The following BMPR1A variants were observed in gnomAD, a reference collection of about 807,000 sequenced individuals.
The protein encoded by BMPR1A is bone morphogenetic protein receptor type 1A, also known as bone morphogenetic protein receptor type-1A.
Under a neutral mutation model 66.0 loss-of-function variants are expected in BMPR1A, and 7 were observed. The ratio of observed to expected loss-of-function variants is 0.11; its 90% CI spans 0.06 to 0.20. The LOEUF (loss-of-function observed/expected upper bound fraction) is 0.20. Among genes scored for constraint, BMPR1A ranks in the 10% least tolerant of loss-of-function variants. The pLI is 1.00. For missense variants in BMPR1A, 408 were observed against 669.1 expected (o/e 0.61, Z 4.31); for synonymous variants, 200 against 229.7 (o/e 0.87, Z 1.17).
chr10:86,901,759 G>C (rs2133468634), intron 7 of BMPR1A, among the ~76,000 whole-genome samples: 1 of 152,204 alleles, frequency 6.6e-6, no homozygotes, highest in Admixed American at 6.5e-5. Context: ...AGTAAGACAG[G>C]TGATAATATC....
intron 2 of BMPR1A, among the ~76,000 whole-genome samples, chr10:86,851,193 G>A (rs917823276): frequency 5.9e-5 from 9 of 152,298 alleles, no homozygotes; most frequent in South Asian, 2.1e-4. Context: ...GTAACTGGCC[G>A]TTACTGTAAG....
At chr10:86,827,503 T>C (rs941982038) in intron 1 of BMPR1A, among the ~76,000 whole-genome samples, 5 of 152,336 alleles carry the variant, frequency 3.3e-5, no homozygotes, top group Admixed American at 1.3e-4. Flanking sequence ...TTAAATATTC[T>C]TTTGCGTGGC....
intron 1 of BMPR1A, among the ~76,000 whole-genome samples, chr10:86,777,173 CACTT>C (rs2132685656): frequency 6.6e-6 from 1 of 152,308 alleles, no homozygotes; most frequent in East Asian, 1.9e-4. Flanking sequence ...CACTTGCCCT[CACTT>C]GCTTCATTGC....
chr10:86,854,083 C>T (rs577060242), intron 2 of BMPR1A, among the ~76,000 whole-genome samples: 6 of 151,618 alleles, frequency 4.0e-5, no homozygotes, highest in Non-Finnish European at 8.8e-5. Flanking sequence ...CAGAGGCCCA[C>T]CCTCAGGGGC....
At chr10:86,768,110 GTTCT>G (rs1192579507) in intron 1 of BMPR1A, among the ~76,000 whole-genome samples, 15 of 152,132 alleles carry the variant, frequency 9.9e-5, no homozygotes, top group African/African-American at 2.9e-4. Context: ...TTGCAGATGT[GTTCT>G]TTGTCAGTTT....
At chr10:86,860,615 C>T (rs1393211525) in intron 2 of BMPR1A, among the ~76,000 whole-genome samples, 1 of 151,676 alleles carries the variant, frequency 6.6e-6, no homozygotes, top group Admixed American at 6.6e-5. Flanking sequence ...ACTAAAAATA[C>T]AAAAATTGGC....
At chr10:86,899,941 T>C (rs1459795590) in intron 6 of BMPR1A, 51 bp downstream of exon 6, 1 of 1,609,796 alleles carries the variant, frequency 6.2e-7, no homozygotes, top group Non-Finnish European at 8.5e-7. Context: ...TCTTCTCTGG[T>C]TTTACAGTAA....
At chr10:86,877,017 A>G (rs557466887) in intron 3 of BMPR1A, among the ~76,000 whole-genome samples, 9 of 152,296 alleles carry the variant, frequency 5.9e-5, no homozygotes, top group African/African-American at 2.2e-4. Context: ...TTTAAGTAGG[A>G]TAATATTTTA....
chr10:86,814,257 C>A (rs1158077290), intron 1 of BMPR1A, among the ~76,000 whole-genome samples: 2 of 152,132 alleles, frequency 1.3e-5, no homozygotes, highest in Non-Finnish European at 2.9e-5. Flanking sequence ...GCCTCAGCTT[C>A]CCCAATGCTG....
chr10:86,855,390 G>A (rs1842626989), intron 2 of BMPR1A: 1 of 813,330 alleles, frequency 1.2e-6, no homozygotes, highest in Non-Finnish European at 2.0e-6. Flanking sequence ...TAGAAACTTG[G>A]TTTGATTTGG....
chr10:86,823,328 G>A (rs564431531), intron 1 of BMPR1A, among the ~76,000 whole-genome samples: 1 of 152,232 alleles, frequency 6.6e-6, no homozygotes, highest in South Asian at 2.1e-4. Context: ...TGTCTGCCTG[G>A]CACTGTTCTA....
At chr10:86,814,596 G>A (rs576847856) in intron 1 of BMPR1A, among the ~76,000 whole-genome samples, 127 of 151,912 alleles carry the variant, frequency 8.4e-4, no homozygotes, top group African/African-American at 3.0e-3. Context: ...ACATTTCTGA[G>A]TTTCTTCTGT....
rs557126789 is a variant in BMPR1A, at chr10:86,877,458, C to T, written c.67+1373C>T. Among the ~76,000 whole-genome samples the T allele has an allele frequency of 4.6e-5, 7 of 152,302 alleles. No individual in the cohort carries two copies. In the East Asian group the frequency reaches 7.7e-4, roughly 17 times the overall value. ...TCCTGACCTCGTGATCCACCCACTT[C>T]GGCCTCCCAAAGTGCTGGCATTACA... is the stretch of plus-strand genomic sequence containing the variant. On this transcript the variant is annotated intron_variant, in intron 3 of 12. Transcript: ENST00000372037.
intron 1 of BMPR1A, among the ~76,000 whole-genome samples, chr10:86,786,080 A>G (rs1013709131): frequency 6.6e-6 from 1 of 152,118 alleles, no homozygotes; most frequent in Non-Finnish European, 1.5e-5. Flanking sequence ...TCCTGCCACT[A>G]CTGCCTGTGT....
intron 3 of BMPR1A, 129 bp downstream of exon 3, chr10:86,876,214 G>A (rs1032356607): frequency 2.5e-5 from 21 of 838,386 alleles, no homozygotes; most frequent in Non-Finnish European, 3.6e-5. Flanking sequence ...TAGGAAAGAA[G>A]CAAAGATGAA....
At position 86,921,509 on chromosome 10, in the gene BMPR1A, T is replaced by A; in HGVS notation, c.1167-11T>A. ...GCCCTCAACTTGGACCTTGGCTTTC[T>A]TTTGTTTCAGTGACACAAATGAAGT... On this transcript the variant is annotated splice_polypyrimidine_tract_variant and intron_variant, in intron 10 of 12. Transcript: ENST00000372037. 6.2e-7 allele frequency: 1 copy of A among 1,613,864 alleles called. No individual in the cohort carries two copies. The highest frequency in any genetic ancestry group is 8.5e-7 in the Non-Finnish European group (1 of 1,179,864).
At position 86,782,877 on chromosome 10, in the gene BMPR1A, T is replaced by C. The variant is rs912597413; in HGVS notation, c.-268+25958T>C. Among the ~76,000 whole-genome samples, 30 of 152,226 alleles carry C rather than the reference T, an allele frequency of 2.0e-4. 1 individual carries two copies. ...CCTTGCTGCACAGAAGTTTGTAAGT[T>C]TGATGTAATTCTGTGTCTATTTTTG... On this transcript the variant is annotated intron_variant, in intron 1 of 12. Coordinates refer to ENST00000372037, the MANE Select transcript of BMPR1A (RefSeq NM_004329.3).
At chr10:86,790,173 A>G (rs1589716990) in intron 1 of BMPR1A, among the ~76,000 whole-genome samples, 1 of 37,876 alleles carries the variant, frequency 2.6e-5, no homozygotes, top group Non-Finnish European at 4.3e-5. Context: ...AAAAAAAAAA[A>G]AAAAAAAAAA....
intron 3 of BMPR1A, among the ~76,000 whole-genome samples, chr10:86,880,947 A>G (rs1842977924): frequency 6.6e-6 from 1 of 152,220 alleles, no homozygotes; most frequent in South Asian, 2.1e-4. Context: ...ACACCTGTAC[A>G]TGCCAACACT....
Sources: allele counts gnomAD v4.1 joint callset (sites outside exome capture counted in the v4.1 genomes callset), GRCh38; gene constraint gnomAD v4.1.1; transcripts MANE v1.5; gene names NCBI Gene and HGNC (gene_info 2026-07-23, HGNC 2026-07-21).